Variants in ZNF84 observed in about 807,000 individuals in gnomAD.
ZNF84 encodes zinc finger protein 84.
In ZNF84, 12 loss-of-function variants were observed where a neutral mutation model predicts 14.8. The ratio of observed to expected loss-of-function variants is 0.81; its 90% CI spans 0.52 to 1.31. ZNF84 has a LOEUF of 1.31. Among genes scored for constraint, ZNF84 ranks in the 50% most tolerant of loss-of-function variants. The pLI is 0.00. For synonymous variants in ZNF84, 347 were observed against 291.1 expected, an observed-to-expected ratio of 1.19 and a Z score of -1.96; for missense variants, 859 against 878.6, an observed-to-expected ratio of 0.98 and a Z score of 0.28.
Position 133,048,005 on chromosome 12 carries a change from G to T in ZNF84, c.66G>T (p.Trp22Cys). ...DLSVDFTQKE[W>C]QLLDPSQKNL... ...CTGTGGACTTCACCCAAAAGGAGTG[G>T]CAGCTACTGGATCCCTCTCAGAAGA... Residue 22 changes from tryptophan to cysteine, a missense_variant, in exon 3 of 5, where the codon TGG (tryptophan) becomes TGT (cysteine). Coordinates refer to ENST00000539354, the MANE Select transcript of ZNF84 (RefSeq NM_001289971.2). 2 of 1,614,120 alleles carry T rather than the reference G, an allele frequency of 1.2e-6. No individual in the cohort carries two copies. Among genetic ancestry groups the T allele is most frequent in the South Asian group, 1.1e-5 (1 of 91,084 alleles).
In ZNF84 at chr12:133,061,094, C is replaced by A. The variant is rs891987724; in HGVS notation, c.*2162C>A. On this transcript the variant is annotated 3_prime_UTR_variant, in exon 5 of 5. Coordinates refer to ENST00000539354, the MANE Select transcript of ZNF84 (RefSeq NM_001289971.2). ...AATTTTCTAAACCAGAATACCAGTT[C>A]AACAGCCAAATAATTCTGTCTTTCC... 1 of 152,170 alleles carries A rather than the reference C, an allele frequency of 6.6e-6. No individual in the cohort carries two copies. Among genetic ancestry groups the A allele is most frequent in the African/African-American group, 2.4e-5 (1 of 41,430 alleles). The allele number at this position is 152,170 out of a possible 1,614,324, so 9.4% of individuals were successfully genotyped here.
At chr12:133,043,733 T>C (rs1246126942) in intron 2 of ZNF84, among the ~76,000 whole-genome samples, 1 of 152,114 alleles carries the variant, frequency 6.6e-6, no homozygotes, top group African/African-American at 2.4e-5. Context: ...ATTGACTTTG[T>C]ATACGGGAAC....
rs1954192991 is a variant in ZNF84, at chr12:133,058,038, C to T, written c.1323C>T (p.Ser441=). The T allele has an allele frequency of 4.3e-6, 7 of 1,612,968 alleles. No homozygotes were observed. Among genetic ancestry groups the T allele is most frequent in the African/African-American group, 1.3e-5 (1 of 74,526 alleles). Reference sequence around the variant, plus strand: ...GCATTCAGTGTGGGAAGGCCTTCTCCCAGAAGTCACATCTCATATCACATC... The same window carrying T: ...GCATTCAGTGTGGGAAGGCCTTCTCTCAGAAGTCACATCTCATATCACATC... ...HGCIQCGKAF[S]QKSHLISHQM... Residue 441 remains serine (S), a synonymous_variant, in exon 5 of 5, where the codon TCC becomes TCT. Coordinates refer to ENST00000539354, the MANE Select transcript of ZNF84 (RefSeq NM_001289971.2).
At chr12:133,047,893 A>AT (rs1954009346) in intron 2 of ZNF84, 62 bp from the exon 3 acceptor site, 3 of 1,578,824 alleles carry the variant, frequency 1.9e-6, no homozygotes, top group Non-Finnish European at 1.7e-6. Context: ...AAGCTCCAAT[A>AT]TTTTTTTCTC....
chr12:133,049,081 A>G (rs996887694), intron 4 of ZNF84, among the ~76,000 whole-genome samples: 1 of 152,338 alleles, frequency 6.6e-6, no homozygotes, highest in East Asian at 1.9e-4. Flanking sequence ...CCTCAGAACA[A>G]TTGACATTAG....
In ZNF84 at chr12:133,058,868, A is replaced by G; in HGVS notation, c.2153A>G (p.Lys718Arg). ...CCTTATCGATGCATTGAATGTGGGA[A>G]AGCTTTCTCACAGAAGTCACAGCTC... ...EKPYRCIECG[K>R]AFSQKSQLIN... The change falls in exon 5 of 5, where the codon AAA becomes AGA. Residue 718 changes from lysine (K) to arginine (R), a missense_variant. By Grantham distance (26) the Lys-to-Arg change is conservative. Transcript: ENST00000539354. 6.2e-7 allele frequency: 1 copy of G among 1,613,512 alleles called. No individual in the cohort carries two copies. Among genetic ancestry groups the G allele is most frequent in the Non-Finnish European group, 8.5e-7 (1 of 1,179,766 alleles).
chr12:133,057,397 A>G lies in ZNF84; in HGVS notation c.682A>G (p.Arg228Gly). 6.2e-7 allele frequency: 1 copy of G among 1,614,172 alleles called. No individual in the cohort carries two copies. Among genetic ancestry groups the G allele is most frequent in the Non-Finnish European group, 8.5e-7 (1 of 1,180,042 alleles). Residue 228 changes from arginine (R) to glycine (G), a missense_variant, in exon 5 of 5, where the codon AGA becomes GGA. Physicochemically the swap from Arg to Gly is moderately radical, Grantham distance 125 (BLOSUM62 -2). Coordinates refer to ENST00000539354, the MANE Select transcript of ZNF84 (RefSeq NM_001289971.2). ...ACCAAGTCTCATTAAACATCAGAGC[A>G]GACATATAAGAGACATAGCCTTTGG... ...KKPSLIKHQSRHIRDIAFGCG... is the reference protein window; with the variant it reads ...KKPSLIKHQSGHIRDIAFGCG...
chr12:133,057,151 C>G lies in ZNF84; in HGVS notation c.436C>G (p.Pro146Ala). 1.2e-6 allele frequency: 2 copies of G among 1,610,844 alleles called. No individual in the cohort carries two copies. The highest frequency in any genetic ancestry group is 8.5e-7 in the Non-Finnish European group (1 of 1,179,232). The part of the protein sequence containing the change: ...ILKHHLDLLI[P>A]KGDYGKAESD... ...AAAACATCATTTAGATTTGCTTATT[C>G]CAAAAGGAGATTATGGAAAAGCAGA... Residue 146 changes from proline (P) to alanine (A), a missense_variant, in exon 5 of 5, where the codon CCA (proline) becomes GCA (alanine). Transcript: ENST00000539354.
intron 2 of ZNF84, 49 bp downstream of exon 2, chr12:133,041,531 T>C (rs1302026611): frequency 6.3e-7 from 1 of 1,575,636 alleles, no homozygotes. Flanking sequence ...TTAGAAGAAA[T>C]GTATAAGCCT....
Position 133,046,937 on chromosome 12 carries a change from T to C in ZNF84, c.16-1018T>C, listed in dbSNP as rs1006217384. 5.0e-5 allele frequency among the ~76,000 whole-genome samples: 7 copies of C among 141,168 alleles called. No homozygotes were observed. The South Asian group carries it at 1.3e-3, about 26-fold the overall frequency. The allele number at this position is 141,168 out of a possible 152,430, so 92.6% of individuals were successfully genotyped here. ...ATATATTATATTATTTTTAATATAA[T>C]ATTTATATTATATATTATATTATGT... On this transcript the variant is annotated intron_variant, in intron 2 of 4. Coordinates refer to ENST00000539354, the MANE Select transcript of ZNF84 (RefSeq NM_001289971.2).
intron 1 of ZNF84, chr12:133,040,663 G>A (rs1953871318): frequency 6.6e-6 from 1 of 151,396 alleles, no homozygotes; most frequent in Non-Finnish European, 1.5e-5. Context: ...GGGGTATGAA[G>A]CGTTGTTACA....
At chr12:133,042,722 A>G (rs1553198) in intron 2 of ZNF84, among the ~76,000 whole-genome samples, 71,132 of 152,100 alleles carry the variant, frequency 0.47, 18,403 homozygotes, top group East Asian at 0.78. Flanking sequence ...TCCCAAGGGT[A>G]GAATGCCAGA....
rs1450059897 is a variant in ZNF84, at chr12:133,058,066, A to G, written c.1351A>G (p.Met451Val). 6.2e-7 allele frequency: 1 copy of G among 1,614,012 alleles called. No individual in the cohort carries two copies. The highest frequency in any genetic ancestry group is 8.5e-7 in the Non-Finnish European group (1 of 1,180,020). Reference protein sequence around the residue: ...SQKSHLISHQMTHTGEKPFIC... With the variant: ...SQKSHLISHQVTHTGEKPFIC... ...GAAGTCACATCTCATATCACATCAG[A>G]TGACACACACAGGAGAAAAACCCTT... is the stretch of plus-strand genomic sequence containing the variant. Residue 451 changes from methionine to valine, a missense_variant, in exon 5 of 5, where the codon ATG becomes GTG. Coordinates refer to ENST00000539354, the MANE Select transcript of ZNF84 (RefSeq NM_001289971.2).
chr12:133,043,439 A>G (rs1953921079), intron 2 of ZNF84, among the ~76,000 whole-genome samples: 1 of 152,150 alleles, frequency 6.6e-6, no homozygotes, highest in African/African-American at 2.4e-5. Flanking sequence ...TGTGTGAGCC[A>G]CTTACAGGTG....
chr12:133,058,774 G>T lies in ZNF84; in HGVS notation c.2059G>T (p.Glu687Ter). 6.2e-7 allele frequency: 1 copy of T among 1,613,992 alleles called. No individual in the cohort carries two copies. Among genetic ancestry groups the T allele is most frequent in the Non-Finnish European group, 8.5e-7 (1 of 1,179,954 alleles). The change falls in exon 5 of 5, where the codon GAA (glutamate) becomes TAA (stop). Residue 687 changes from glutamate (E) to a stop codon, truncating the protein, a stop_gained. Transcript: ENST00000539354. LOFTEE classifies it low-confidence loss of function (END_TRUNC). ...HTGEKPYGCS[E>*]CRKAFSQKSQ... ...GGGTGAGAAACCCTATGGATGCAGT[G>T]AATGTAGGAAGGCCTTCTCTCAGAA... is the stretch of plus-strand genomic sequence containing the variant.
chr12:133,048,900 C>A, intron 4 of ZNF84, 52 bp downstream of exon 4: 1 of 1,483,674 alleles, frequency 6.7e-7, no homozygotes, highest in Non-Finnish European at 9.3e-7. Flanking sequence ...CCCATGTCAT[C>A]TGGTCAGTGA....
chr12:133,048,917 G>T, intron 4 of ZNF84, 69 bp downstream of exon 4: 1 of 1,337,686 alleles, frequency 7.5e-7, no homozygotes, highest in East Asian at 2.5e-5. Flanking sequence ...GTGACGGGTG[G>T]GCTAGTCAGT....
intron 2 of ZNF84, among the ~76,000 whole-genome samples, chr12:133,046,746 C>T (rs1342414062): frequency 3.3e-5 from 5 of 150,590 alleles, no homozygotes; most frequent in Non-Finnish European, 7.4e-5. Context: ...ACTGACGCCT[C>T]GACCTCCCAG....
chr12:133,058,635 A>G lies in ZNF84; in HGVS notation c.1920A>G (p.Ser640=). 3.7e-6 allele frequency: 6 copies of G among 1,614,170 alleles called. No individual in the cohort carries two copies. Among genetic ancestry groups the G allele is most frequent in the Middle Eastern group, 3.3e-4 (2 of 6,062 alleles). The change falls in exon 5 of 5, where the codon TCA becomes TCG. Residue 640 remains serine, a synonymous_variant. Coordinates refer to ENST00000539354, the MANE Select transcript of ZNF84 (RefSeq NM_001289971.2). ...NECRKAFREK[S]SLINHQRIHT... ...GTAGAAAAGCCTTCAGGGAGAAGTC[A>G]AGTCTCATCAATCATCAGAGAATAC...
Sources: allele counts gnomAD v4.1 joint callset (sites outside exome capture counted in the v4.1 genomes callset), GRCh38; gene constraint gnomAD v4.1.1; transcripts MANE v1.5; gene names NCBI Gene and HGNC (gene_info 2026-07-23, HGNC 2026-07-21).